BMP1: variants seen among roughly 807,000 people sequenced by gnomAD.
The protein encoded by BMP1 is bone morphogenetic protein 1.
BMP1 carries 63 observed loss-of-function variants against 116.8 expected under a neutral mutation model. That is an observed-to-expected ratio of 0.54 (90% CI 0.44 to 0.67). BMP1 has a LOEUF of 0.67. Among genes scored for constraint, BMP1 ranks in the 30% least tolerant of loss-of-function variants. BMP1 has a pLI of 0.00. For missense variants in BMP1, 1,183 were observed against 1,358.9 expected (o/e 0.87, Z 2.04); for synonymous variants, 536 against 533.4 (o/e 1.00, Z -0.07).
At chr8:22,181,641 C>T (rs138259001) in intron 8 of BMP1, among the ~76,000 whole-genome samples, 1,577 of 152,058 alleles carry the variant, frequency 0.01, 33 homozygotes, top group African/African-American at 0.035. Flanking sequence ...CAACCTCTGC[C>T]GCCCAGGGTC....
intron 16 of BMP1, among the ~76,000 whole-genome samples, chr8:22,204,942 G>T (rs1369923074): frequency 1.3e-5 from 2 of 152,212 alleles, no homozygotes; most frequent in African/African-American, 4.8e-5. Context: ...CGAGGCTGCA[G>T]AGCTGAGTGA....
intron 5 of BMP1, chr8:22,177,568 CG>C: frequency 1.4e-6 from 1 of 740,224 alleles, no homozygotes; most frequent in Non-Finnish European, 2.5e-6. Flanking sequence ...CTCTCCCAGG[CG>C]TTCTCCACTC....
intron 1 of BMP1, chr8:22,171,168 C>T (rs1480866429): frequency 6.6e-6 from 1 of 152,222 alleles, no homozygotes; most frequent in African/African-American, 2.4e-5. Flanking sequence ...GTAAGAGTAG[C>T]TTTCTCATGG....
chr8:22,200,327 G>C (rs954611013), intron 15 of BMP1, among the ~76,000 whole-genome samples: 7 of 152,178 alleles, frequency 4.6e-5, no homozygotes, highest in African/African-American at 1.7e-4. Context: ...GCCTTTACGC[G>C]TGACTTTGTA....
At chr8:22,186,750 C>A (rs1392643023) in intron 8 of BMP1, among the ~76,000 whole-genome samples, 1 of 152,172 alleles carries the variant, frequency 6.6e-6, no homozygotes, top group African/African-American at 2.4e-5. Flanking sequence ...AGGCGTGAGC[C>A]CCCATGCCTG....
In BMP1 at chr8:22,207,429, G is replaced by T. The variant is rs140324769; in HGVS notation, c.2488G>T (p.Val830Phe). 6.2e-7 allele frequency: 1 copy of T among 1,613,970 alleles called. No homozygotes were observed. The highest frequency in any genetic ancestry group is 1.3e-5 in the African/African-American group (1 of 74,946). Residue 830 changes from valine to phenylalanine, a missense_variant, in exon 18 of 20, where the codon GTC becomes TTC. Val to Phe is a conservative substitution (Grantham distance 50). This residue lies in a region of BMP1 where 956 missense variants were observed against 1,135.2 expected (regional missense o/e 0.84). Coordinates refer to ENST00000306385, the MANE Select transcript of BMP1 (RefSeq NM_006129.5). ...CTGTGGGAGCAAGAAGCCCGAGCCCGTCCTGGCCACAGGCAGCCGCATGTT... is the reference window on the plus strand; with the variant it reads ...CTGTGGGAGCAAGAAGCCCGAGCCCTTCCTGGCCACAGGCAGCCGCATGTT... ...RFCGSKKPEPVLATGSRMFLR... is the reference protein window; with the variant it reads ...RFCGSKKPEPFLATGSRMFLR...
rs1167149114 is a variant in BMP1 at position 22,195,495 on chromosome 8, G to A, written c.1673G>A (p.Gly558Asp). 4 of 1,611,928 alleles carry A rather than the reference G, an allele frequency of 2.5e-6. No individual in the cohort carries two copies. The highest frequency in any genetic ancestry group is 3.4e-6 in the Non-Finnish European group (4 of 1,179,544). ...VDECSRPNRG[G>D]CEQRCLNTLG... ...GAGTGCTCTCGGCCCAACCGCGGGGGCTGTGAGCAGCGGTGCCTCAACACC... is the reference window on the plus strand; with the variant it reads ...GAGTGCTCTCGGCCCAACCGCGGGGACTGTGAGCAGCGGTGCCTCAACACC... The change falls in exon 13 of 20, where the codon GGC becomes GAC. Residue 558 changes from glycine (G) to aspartate (D), a missense_variant. Gly to Asp is a moderately conservative substitution (Grantham distance 94). Around this residue, in one of 4 missense-constraint regions of BMP1, gnomAD observed 956 missense variants for 1,135.2 expected, o/e 0.84. Coordinates refer to ENST00000306385, the MANE Select transcript of BMP1 (RefSeq NM_006129.5).
chr8:22,203,010 TA>T (rs1829293400), intron 16 of BMP1, among the ~76,000 whole-genome samples: 1 of 151,504 alleles, frequency 6.6e-6, no homozygotes, highest in South Asian at 2.1e-4. Flanking sequence ...AAAAAACAAA[TA>T]AAAATATAAA....
chr8:22,188,658 T>C (rs1309116777), intron 8 of BMP1, among the ~76,000 whole-genome samples: 1 of 152,230 alleles, frequency 6.6e-6, no homozygotes, highest in Non-Finnish European at 1.5e-5. Flanking sequence ...CTGGTCTCAG[T>C]ATAGCCATCA....
Position 22,201,428 on chromosome 8 carries a change from A to G in BMP1, c.2108-375A>G, listed in dbSNP as rs1025783618. 1.3e-4 allele frequency: 181 copies of G among 1,417,308 alleles called. 2 individuals carry two copies. In the African/African-American group the frequency reaches 2.3e-3, roughly 18 times the overall value. The allele number at this position is 1,417,308 out of a possible 1,614,324, so 87.8% of individuals were successfully genotyped here. On this transcript the variant is annotated intron_variant, in intron 15 of 19. Coordinates refer to ENST00000306385, the MANE Select transcript of BMP1 (RefSeq NM_006129.5). Reference sequence around the variant, plus strand: ...CTCCCATTTTGATGGTGTCTGTGACATTTCCTGTTGTGAAGTAAAAGAGGG... The same window carrying G: ...CTCCCATTTTGATGGTGTCTGTGACGTTTCCTGTTGTGAAGTAAAAGAGGG...
Position 22,177,859 on chromosome 8 carries a change from G to A in BMP1, c.738G>A (p.Glu246=). 1.2e-6 allele frequency: 2 copies of A among 1,611,352 alleles called. No individual in the cohort carries two copies. Among genetic ancestry groups the A allele is most frequent in the Non-Finnish European group, 1.7e-6 (2 of 1,177,840 alleles). Residue 246 remains glutamate, a synonymous_variant, in exon 6 of 20, where the codon GAG becomes GAA. Coordinates refer to ENST00000306385, the MANE Select transcript of BMP1 (RefSeq NM_006129.5). ...IVRENIQPGQ[E]YNFLKMEPQE... Reference sequence around the variant, plus strand: ...TTTTCCTGATCTTGGCAGGGCAGGAGTATAACTTCCTGAAGATGGAGCCTC... The same window carrying A: ...TTTTCCTGATCTTGGCAGGGCAGGAATATAACTTCCTGAAGATGGAGCCTC...
At chr8:22,206,292 G>A (rs918653626) in intron 16 of BMP1, among the ~76,000 whole-genome samples, 12 of 151,150 alleles carry the variant, frequency 7.9e-5, no homozygotes, top group East Asian at 2.0e-4. Flanking sequence ...TCCTGAGGTC[G>A]GGAGTTTGAG....
intron 2 of BMP1, 133 bp downstream of exon 2, chr8:22,173,848 A>G (rs989699095): frequency 1.9e-5 from 11 of 578,090 alleles, no homozygotes; most frequent in African/African-American, 3.8e-5. Context: ...ACATGGGTCT[A>G]TCTTCCCTCG....
Position 22,173,615 on chromosome 8 carries a change from G to C in BMP1, c.162G>C (p.Gly54=). 6.2e-7 allele frequency: 1 copy of C among 1,611,396 alleles called. No individual in the cohort carries two copies. Among genetic ancestry groups the C allele is most frequent in the Non-Finnish European group, 8.5e-7 (1 of 1,178,828 alleles). ...TTTTCTCTTTAGCTGCCTTTCTTGG[G>C]GACATTGCCCTGGACGAAGAGGACC... ...KDPCKAAAFL[G]DIALDEEDLR... Residue 54 remains glycine, a synonymous_variant, in exon 2 of 20, where the codon GGG becomes GGC. Transcript: ENST00000306385.
chr8:22,197,488 C>G, intron 15 of BMP1, 68 bp downstream of exon 15: 1 of 1,523,542 alleles, frequency 6.6e-7, no homozygotes, highest in Non-Finnish European at 9.0e-7. Context: ...TTCTCCCTGC[C>G]CCTGCACCCC....
chr8:22,191,509 C>T (rs531798325), intron 8 of BMP1, among the ~76,000 whole-genome samples: 3 of 152,238 alleles, frequency 2.0e-5, no homozygotes, highest in African/African-American at 4.8e-5. Context: ...AGGCTCAGAT[C>T]GGAGGATGGC....
At position 22,173,686 on chromosome 8, in the gene BMP1, C is replaced by T; in HGVS notation, c.233C>T (p.Thr78Ile). ...VQQAVDLRRH[T>I]ARKSSIKAAV... is the part of the protein sequence containing the mutation. ...CAGGCTGTGGATCTCAGACGGCACA[C>T]AGCTCGTAAGTCCTCCATCAAAGCT... Residue 78 changes from threonine (T) to isoleucine (I), a missense_variant, in exon 2 of 20, where the codon ACA (threonine) becomes ATA (isoleucine). Physicochemically the swap from Thr to Ile is moderately conservative, Grantham distance 89. Coordinates refer to ENST00000306385, the MANE Select transcript of BMP1 (RefSeq NM_006129.5). 1 of 1,613,550 alleles carries T rather than the reference C, an allele frequency of 6.2e-7. No homozygotes were observed. The highest frequency in any genetic ancestry group is 1.3e-5 in the African/African-American group (1 of 75,028).
At chr8:22,205,941 G>C (rs1829345609) in intron 16 of BMP1, among the ~76,000 whole-genome samples, 1 of 152,076 alleles carries the variant, frequency 6.6e-6, no homozygotes, top group East Asian at 1.9e-4. Flanking sequence ...GCCGTCTTGG[G>C]TGGACCGTTA....
At chr8:22,208,853 C>T (rs1829411477) in intron 18 of BMP1, among the ~76,000 whole-genome samples, 1 of 152,218 alleles carries the variant, frequency 6.6e-6, no homozygotes, top group Non-Finnish European at 1.5e-5. Context: ...CTCCCCACCT[C>T]CTCTAGCGAG....
Sources: allele counts gnomAD v4.1 joint callset (sites outside exome capture counted in the v4.1 genomes callset), GRCh38; gene constraint gnomAD v4.1.1; regional missense constraint gnomAD v4.1.1; transcripts MANE v1.5; gene names NCBI Gene and HGNC (gene_info 2026-07-23, HGNC 2026-07-21).